The following KAZN variants were observed in gnomAD, a reference collection of about 807,000 sequenced individuals.
The protein encoded by KAZN is kazrin, periplakin interacting protein.
KAZN carries 40 observed loss-of-function variants against 87.4 expected under a neutral mutation model. That is an observed-to-expected ratio of 0.46 (90% CI 0.36 to 0.60). The LOEUF is 0.60. Ranked by LOEUF, KAZN falls within the 20% of genes least tolerant of loss-of-function variation. KAZN has a pLI of 0.00. For missense variants in KAZN, 898 were observed against 1,073.9 expected, an observed-to-expected ratio of 0.84 and a Z score of 2.29; for synonymous variants, 466 against 458.3, an observed-to-expected ratio of 1.02 and a Z score of -0.22.
intron 1 of KAZN, among the ~76,000 whole-genome samples, chr1:14,117,420 C>T (rs142381061): frequency 6.6e-6 from 1 of 152,176 alleles, no homozygotes. Context: ...GTGAGACATG[C>T]CTTTCACCTT....
rs114155519 is a variant in KAZN, at chr1:15,103,563, G to A, written c.1881+103G>A. 3.0e-3 allele frequency: 2,388 copies of A among 783,374 alleles called. 46 individuals are homozygous for A. The African/African-American group carries it at 0.038, about 12-fold the overall frequency. The allele number at this position is 783,374 out of a possible 1,614,324, so 48.5% of individuals were successfully genotyped here. ...CAAATCACATGCAAATCAATATGCA[G>A]ATCTCATGCAAATCAATGGGCAAAT... On this transcript the variant is annotated intron_variant, in intron 12 of 14. Coordinates refer to ENST00000376030, the MANE Select transcript of KAZN (RefSeq NM_201628.3).
chr1:15,106,421 T>C (rs570782344), intron 13 of KAZN, among the ~76,000 whole-genome samples: 1 of 152,360 alleles, frequency 6.6e-6, no homozygotes, highest in Non-Finnish European at 1.5e-5. Flanking sequence ...AACTTTTTTC[T>C]GAGCCCTGGA....
At chr1:14,870,593 G>T (rs1374080661) in intron 1 of KAZN, among the ~76,000 whole-genome samples, 1 of 152,130 alleles carries the variant, frequency 6.6e-6, no homozygotes, top group Non-Finnish European at 1.5e-5. Context: ...TGCCCACCTT[G>T]GCTTCCCAAA....
intron 2 of KAZN, among the ~76,000 whole-genome samples, chr1:14,281,034 C>T (rs924866302): frequency 1.3e-5 from 2 of 152,208 alleles, no homozygotes; most frequent in Admixed American, 1.3e-4. Context: ...CCCACTTTAG[C>T]TTGGAACACT....
At chr1:14,815,491 C>T (rs6694657) in intron 1 of KAZN, among the ~76,000 whole-genome samples, 65,110 of 151,964 alleles carry the variant, frequency 0.43, 15,074 homozygotes, top group African/African-American at 0.61. Context: ...TCCTGTTGTG[C>T]CTATTGTGGC....
At chr1:14,250,053 C>G (rs16853856) in intron 2 of KAZN, among the ~76,000 whole-genome samples, 23,660 of 152,010 alleles carry the variant, frequency 0.16, 4,388 homozygotes, top group African/African-American at 0.44. Flanking sequence ...TCTAGACTTA[C>G]AGAGTTTGGA....
chr1:14,365,369 G>T (rs1360804314), intron 2 of KAZN, among the ~76,000 whole-genome samples: 1 of 3,012 alleles, frequency 3.3e-4, no homozygotes, highest in South Asian at 7.5e-3. Flanking sequence ...CCCCCGGGGT[G>T]GGGGGGGGGG....
At chr1:14,349,900 GC>G (rs1205163067) in intron 2 of KAZN, among the ~76,000 whole-genome samples, 1 of 152,078 alleles carries the variant, frequency 6.6e-6, no homozygotes, top group Admixed American at 6.5e-5. Context: ...ACTTTGGGAG[GC>G]GGAGGAGGGC....
rs560529688 is a variant in KAZN at position 14,872,067 on chromosome 1, A to G, written c.227-88617A>G. On this transcript the variant is annotated intron_variant, in intron 1 of 14. Transcript: ENST00000376030. Reference sequence around the variant, plus strand: ...AACATCTAAATTCCTGCACTCCTGTATCAGAAGCTGAATTAGGGTGCAAGC... The same window carrying G: ...AACATCTAAATTCCTGCACTCCTGTGTCAGAAGCTGAATTAGGGTGCAAGC... Among the ~76,000 whole-genome samples, 10 of 152,298 alleles carry G rather than the reference A, an allele frequency of 6.6e-5. No homozygotes were observed. The East Asian group carries it at 1.7e-3, about 26-fold the overall frequency.
chr1:14,875,801 C>T (rs552859614), intron 1 of KAZN, among the ~76,000 whole-genome samples: 1 of 152,212 alleles, frequency 6.6e-6, no homozygotes, highest in Non-Finnish European at 1.5e-5. Context: ...TACACCACTG[C>T]CTGTTGCCTT....
At chr1:14,436,717 CAA>C (rs1197002414) in intron 2 of KAZN, among the ~76,000 whole-genome samples, 2 of 51,304 alleles carry the variant, frequency 3.9e-5, no homozygotes, top group African/African-American at 1.1e-4. Flanking sequence ...GACTCTGTCT[CAA>C]AAAAAAAAAA....
At chr1:14,431,584 C>T (rs960591849) in intron 2 of KAZN, among the ~76,000 whole-genome samples, 1 of 152,162 alleles carries the variant, frequency 6.6e-6, no homozygotes, top group African/African-American at 2.4e-5. Context: ...GACCCACCTT[C>T]AGTGTAGGTG....
chr1:14,548,959 T>G (rs1673338090), intron 2 of KAZN, among the ~76,000 whole-genome samples: 1 of 152,242 alleles, frequency 6.6e-6, no homozygotes, highest in Non-Finnish European at 1.5e-5. Flanking sequence ...TTGGAATAAT[T>G]TTATAATTTT....
chr1:13,906,890 G>A (rs1570242191), intron 1 of KAZN, among the ~76,000 whole-genome samples: 1 of 152,146 alleles, frequency 6.6e-6, no homozygotes, highest in African/African-American at 2.4e-5. Context: ...CATTCCTAGC[G>A]ACAGTCAGGC....
chr1:15,117,469 G>A lies in KAZN; in HGVS notation c.*2834G>A, dbSNP rs1641882967. Reference sequence around the variant, plus strand: ...AATCTGTCTGTCTGTTGGCATCGCTGTTTTCAGACCCCAGGCTGCAGAGGA... The same window carrying A: ...AATCTGTCTGTCTGTTGGCATCGCTATTTTCAGACCCCAGGCTGCAGAGGA... On this transcript the variant is annotated 3_prime_UTR_variant, in exon 15 of 15. Transcript: ENST00000376030. 6.6e-6 allele frequency: 1 copy of A among 152,476 alleles called. No individual in the cohort carries two copies. The allele number at this position is 152,476 out of a possible 1,614,324, so 9.4% of individuals were successfully genotyped here. A position where few individuals can be genotyped will look rare whatever the true frequency, so the allele number is the denominator to read the frequency against.
chr1:15,072,272 G>A (rs1639538951), intron 8 of KAZN, among the ~76,000 whole-genome samples: 1 of 152,208 alleles, frequency 6.6e-6, no homozygotes, highest in South Asian at 2.1e-4. Flanking sequence ...GAGCCTGACA[G>A]TGCCTCAAAT....
intron 1 of KAZN, among the ~76,000 whole-genome samples, chr1:14,788,871 G>A (rs760182946): frequency 1.6e-4 from 25 of 152,174 alleles, no homozygotes; most frequent in Non-Finnish European, 3.2e-4. Context: ...CACCTCTGAT[G>A]TCTGGGACAC....
At chr1:15,102,701 T>C (rs1439314843) in intron 11 of KAZN, among the ~76,000 whole-genome samples, 1 of 152,206 alleles carries the variant, frequency 6.6e-6, no homozygotes, top group African/African-American at 2.4e-5. Flanking sequence ...GGTCAGTCCC[T>C]GTGGGACCCA....
chr1:14,205,605 A>G (rs1646722991), intron 2 of KAZN, among the ~76,000 whole-genome samples: 1 of 152,002 alleles, frequency 6.6e-6, no homozygotes, highest in African/African-American at 2.4e-5. Flanking sequence ...ATCAATTAAA[A>G]TGTCACCCAT....
Sources: gnomAD v4.1 joint callset for allele counts (sites outside exome capture counted in the v4.1 genomes callset) on GRCh38, gnomAD v4.1.1 for gene constraint, MANE v1.5 for transcripts, NCBI Gene and HGNC (gene_info 2026-07-23, HGNC 2026-07-21) for gene names.